Variants in DNER observed in about 807,000 individuals in gnomAD.
DNER encodes the protein delta and Notch-like epidermal growth factor-related receptor.
Under a neutral mutation model 78.2 loss-of-function variants are expected in DNER, and 33 were observed. The ratio of observed to expected loss-of-function variants is 0.42; its 90% CI spans 0.32 to 0.56. The LOEUF is 0.56. DNER is among the 20% of genes least tolerant of loss of function. The pLI is 0.11. For synonymous variants in DNER, 417 were observed against 384.8 expected, an observed-to-expected ratio of 1.08 and a Z score of -0.98; for missense variants, 918 against 975.3, an observed-to-expected ratio of 0.94 and a Z score of 0.78.
intron 1 of DNER, among the ~76,000 whole-genome samples, chr2:229,600,253 C>T (rs187196790): frequency 2.6e-5 from 4 of 152,346 alleles, no homozygotes; most frequent in Admixed American, 6.5e-5. Context: ...TGTTTATGTG[C>T]TGACTGCTTT....
intron 1 of DNER, among the ~76,000 whole-genome samples, chr2:229,646,663 A>G (rs1436690470): frequency 1.3e-5 from 2 of 152,210 alleles, no homozygotes; most frequent in African/African-American, 2.4e-5. Context: ...ACCAAACTCT[A>G]CAAGTATTTT....
chr2:229,438,196 T>G lies in DNER; in HGVS notation c.1486+9120A>C, dbSNP rs73101803. Among the ~76,000 whole-genome samples, 236 of 152,214 alleles carry G rather than the reference T, an allele frequency of 1.6e-3. 1 individual carries two copies. The highest frequency in any genetic ancestry group is 5.5e-3 in the African/African-American group (228 of 41,518). ...GGTTCAATACCCTTGGAAGTCAGAG[T>G]TGCGCTTCTCTGTGCTGGGAAGTAG... On this transcript the variant is annotated intron_variant, in intron 8 of 12. Transcript: ENST00000341772.
chr2:229,395,408 C>A (rs759465488), intron 10 of DNER, among the ~76,000 whole-genome samples: 21 of 152,178 alleles, frequency 1.4e-4, no homozygotes, highest in Non-Finnish European at 2.8e-4. Context: ...TTGAGTTGCC[C>A]ATCAGCCTCA....
intron 6 of DNER, among the ~76,000 whole-genome samples, chr2:229,497,462 T>C (rs1221820144): frequency 6.6e-6 from 1 of 151,038 alleles, no homozygotes; most frequent in Non-Finnish European, 1.5e-5. Flanking sequence ...ATAAATAAAC[T>C]AGAAACTAGA....
chr2:229,458,265 T>C (rs1016752576), intron 7 of DNER, among the ~76,000 whole-genome samples: 4 of 150,512 alleles, frequency 2.7e-5, no homozygotes, highest in Admixed American at 1.3e-4. Context: ...ACTAAGAACA[T>C]TATCTGACAT....
chr2:229,418,327 A>G, intron 8 of DNER, 97 bp from the exon 9 acceptor site: 3 of 1,523,272 alleles, frequency 2.0e-6, no homozygotes, highest in South Asian at 1.2e-5. Context: ...TATTCATTAG[A>G]AAGTATGGTA....
intron 4 of DNER, among the ~76,000 whole-genome samples, chr2:229,562,247 C>T (rs1696974602): frequency 6.6e-6 from 1 of 152,122 alleles, no homozygotes; most frequent in African/African-American, 2.4e-5. Flanking sequence ...AAAGAATCAC[C>T]ATTCAGCTAC....
At chr2:229,448,823 A>G (rs1447883360) in intron 7 of DNER, among the ~76,000 whole-genome samples, 1 of 152,192 alleles carries the variant, frequency 6.6e-6, no homozygotes, top group Non-Finnish European at 1.5e-5. Flanking sequence ...TCACTCACAT[A>G]TAGTTTGTAT....
Position 229,411,173 on chromosome 2 carries a change from A to G in DNER, c.1610-3828T>C, listed in dbSNP as rs185131421. On this transcript the variant is annotated intron_variant, in intron 9 of 12. Coordinates refer to ENST00000341772, the MANE Select transcript of DNER (RefSeq NM_139072.4). ...AACCAGAAATTCTTGTTCCCTGGCT[A>G]AGTGGAATCTAGCAAAGGCAATAAC... Among the ~76,000 whole-genome samples the G allele has an allele frequency of 4.4e-4, 67 of 152,348 alleles. 2 individuals are homozygous for G. The East Asian group carries it at 8.3e-3, about 19-fold the overall frequency.
chr2:229,560,348 T>C (rs1696932656), intron 4 of DNER, among the ~76,000 whole-genome samples: 1 of 152,154 alleles, frequency 6.6e-6, no homozygotes, highest in Non-Finnish European at 1.5e-5. Flanking sequence ...AGTTTTCCTA[T>C]TAAGACACAA....
At chr2:229,505,350 T>C (rs1045523634) in intron 6 of DNER, among the ~76,000 whole-genome samples, 2 of 152,176 alleles carry the variant, frequency 1.3e-5, no homozygotes, top group Admixed American at 1.3e-4. Context: ...CAAGAACAAG[T>C]TATCAGATAG....
At chr2:229,657,537 C>T (rs1031322761) in intron 1 of DNER, among the ~76,000 whole-genome samples, 1 of 152,100 alleles carries the variant, frequency 6.6e-6, no homozygotes, top group African/African-American at 2.4e-5. Flanking sequence ...ACATAAGTAA[C>T]AAAAGGAGAG....
At chr2:229,640,747 T>C (rs1208419194) in intron 1 of DNER, among the ~76,000 whole-genome samples, 1 of 152,144 alleles carries the variant, frequency 6.6e-6, no homozygotes, top group Non-Finnish European at 1.5e-5. Flanking sequence ...TGCTGGACAG[T>C]GTGCTGAGGA....
intron 6 of DNER, among the ~76,000 whole-genome samples, chr2:229,498,237 A>C (rs1695540127): frequency 6.6e-6 from 1 of 152,178 alleles, no homozygotes; most frequent in Admixed American, 6.5e-5. Context: ...TCCTTTCATG[A>C]TAAAAACTCT....
intron 6 of DNER, among the ~76,000 whole-genome samples, chr2:229,492,783 G>A (rs539465422): frequency 1.2e-4 from 18 of 152,152 alleles, no homozygotes; most frequent in Middle Eastern, 3.4e-3. Flanking sequence ...AACCTCCTGC[G>A]GCAGCCTCTG....
intron 1 of DNER, among the ~76,000 whole-genome samples, chr2:229,654,949 TAAAG>T (rs976656265): frequency 6.6e-6 from 1 of 152,102 alleles, no homozygotes; most frequent in Non-Finnish European, 1.5e-5. Context: ...AAAAACTACA[TAAAG>T]AAATACCAGA....
chr2:229,489,684 A>T (rs1695356010), intron 6 of DNER, among the ~76,000 whole-genome samples: 1 of 151,934 alleles, frequency 6.6e-6, no homozygotes, highest in African/African-American at 2.4e-5. Flanking sequence ...AGCCATTGCT[A>T]CCCAAGGCAG....
At chr2:229,605,169 C>T (rs1266789811) in intron 1 of DNER, among the ~76,000 whole-genome samples, 1 of 152,104 alleles carries the variant, frequency 6.6e-6, no homozygotes, top group African/African-American at 2.4e-5. Flanking sequence ...TGGAAGAGGT[C>T]ACCCGTAAAA....
chr2:229,424,813 C>A (rs1288122131), intron 8 of DNER, among the ~76,000 whole-genome samples: 1 of 152,088 alleles, frequency 6.6e-6, no homozygotes, highest in South Asian at 2.1e-4. Context: ...TATTTTGGAC[C>A]AGATCATAAT....
Sources: gnomAD v4.1 joint callset for allele counts (sites outside exome capture counted in the v4.1 genomes callset) on GRCh38, gnomAD v4.1.1 for gene constraint, MANE v1.5 for transcripts, NCBI Gene and HGNC (gene_info 2026-07-23, HGNC 2026-07-21) for gene names.